Variants in CCSER1 observed in about 807,000 individuals in gnomAD.
CCSER1 encodes serine-rich coiled-coil domain-containing protein 1.
CCSER1 carries 41 observed loss-of-function variants against 82.0 expected under a neutral mutation model. The ratio of observed to expected loss-of-function variants is 0.50; its 90% CI spans 0.39 to 0.65. The LOEUF (loss-of-function observed/expected upper bound fraction) is 0.65, where lower values mean the gene tolerates loss of function less well. Ranked by LOEUF, CCSER1 falls within the 30% of genes least tolerant of loss-of-function variation. The pLI is 0.00. For synonymous variants in CCSER1, 414 were observed against 383.9 expected (o/e 1.08, Z -0.92); for missense variants, 1,119 against 1,064.2 (o/e 1.05, Z -0.72).
At chr4:91,418,785 T>C (rs890568026) in intron 10 of CCSER1, among the ~76,000 whole-genome samples, 1 of 151,840 alleles carries the variant, frequency 6.6e-6, no homozygotes, top group Non-Finnish European at 1.5e-5. Context: ...GAGAAGGACA[T>C]TATAAGAAAA....
intron 4 of CCSER1, among the ~76,000 whole-genome samples, chr4:90,460,709 T>C (rs1019614209): frequency 6.6e-6 from 1 of 152,198 alleles, no homozygotes; most frequent in Non-Finnish European, 1.5e-5. Context: ...ATTTAAATTG[T>C]AAACTAAATT....
intron 10 of CCSER1, among the ~76,000 whole-genome samples, chr4:91,355,888 C>T (rs1748795713): frequency 6.6e-6 from 1 of 152,166 alleles, no homozygotes; most frequent in African/African-American, 2.4e-5. Context: ...CACTGGGCTC[C>T]CTGATACCAG....
chr4:90,907,732 GT>G (rs892406600), intron 8 of CCSER1, among the ~76,000 whole-genome samples: 4 of 150,200 alleles, frequency 2.7e-5, no homozygotes, highest in South Asian at 2.1e-4. Context: ...TCTTTGTACT[GT>G]TTTTTTTTCT....
intron 3 of CCSER1, among the ~76,000 whole-genome samples, chr4:90,351,280 A>T (rs1743371811): frequency 6.6e-6 from 1 of 152,322 alleles, no homozygotes; most frequent in South Asian, 2.1e-4. Flanking sequence ...GCGGGCAAAG[A>T]TACCTTGTCC....
At position 91,358,393 on chromosome 4, in the gene CCSER1, TG is replaced by T. The variant is rs1479745981; in HGVS notation, c.2218-240178del. Among the ~76,000 whole-genome samples the T allele has an allele frequency of 1.0e-2, 792 of 79,336 alleles. 48 individuals carry two copies. The highest frequency in any genetic ancestry group is 0.036 in the African/African-American group (733 of 20,496). The allele number at this position is 79,336 out of a possible 152,430, so 52.0% of individuals were successfully genotyped here. The stretch of plus-strand genomic sequence containing the variant: ...GGCTTACTTTGTGCCTGACCCACGT[TG>T]TTTTTTTTTTTTTTTTCCCGAGACA... On this transcript the variant is annotated intron_variant, in intron 10 of 10. Coordinates refer to ENST00000509176, the MANE Select transcript of CCSER1 (RefSeq NM_001145065.2).
chr4:91,137,377 T>C (rs1581625473), intron 10 of CCSER1, among the ~76,000 whole-genome samples: 1 of 68,106 alleles, frequency 1.5e-5, no homozygotes, highest in African/African-American at 4.5e-5. Flanking sequence ...TTCCATGGTG[T>C]ATATGTGCCA....
chr4:90,849,562 G>T (rs1331536482), intron 8 of CCSER1, among the ~76,000 whole-genome samples: 3 of 152,038 alleles, frequency 2.0e-5, no homozygotes, highest in African/African-American at 7.2e-5. Context: ...GGCTGAGGTG[G>T]GTGGATCATG....
chr4:91,540,573 T>A (rs1761535716), intron 10 of CCSER1, among the ~76,000 whole-genome samples: 1 of 152,164 alleles, frequency 6.6e-6, no homozygotes, highest in Non-Finnish European at 1.5e-5. Flanking sequence ...GACTAGTTTA[T>A]CAATTATTTC....
intron 5 of CCSER1, among the ~76,000 whole-genome samples, chr4:90,617,158 C>G (rs1579502095): frequency 1.3e-5 from 2 of 152,194 alleles, no homozygotes; most frequent in South Asian, 4.2e-4. Flanking sequence ...TGAAACAATA[C>G]ATATAAAACA....
chr4:90,439,478 A>G (rs1759542576), intron 4 of CCSER1, among the ~76,000 whole-genome samples: 1 of 152,194 alleles, frequency 6.6e-6, no homozygotes, highest in Non-Finnish European at 1.5e-5. Flanking sequence ...AAAAGACTAT[A>G]CTTCTAATAT....
intron 9 of CCSER1, among the ~76,000 whole-genome samples, chr4:91,063,288 A>T (rs1232729167): frequency 6.6e-6 from 1 of 152,144 alleles, no homozygotes; most frequent in African/African-American, 2.4e-5. Context: ...ATGGGATAAT[A>T]ATAATATCTA....
At chr4:90,476,529 T>C (rs1765133239) in intron 5 of CCSER1, among the ~76,000 whole-genome samples, 1 of 152,174 alleles carries the variant, frequency 6.6e-6, no homozygotes, top group South Asian at 2.1e-4. Flanking sequence ...AAAGGACTGA[T>C]TGCCATCAAT....
intron 5 of CCSER1, among the ~76,000 whole-genome samples, chr4:90,494,162 CAAAG>C (rs1175400814): frequency 6.6e-6 from 1 of 152,130 alleles, no homozygotes; most frequent in Non-Finnish European, 1.5e-5. Context: ...TCAAAAGAGA[CAAAG>C]AAGGCCATTA....
At chr4:90,416,943 CA>C (rs2153558747) in intron 4 of CCSER1, among the ~76,000 whole-genome samples, 1 of 152,210 alleles carries the variant, frequency 6.6e-6, no homozygotes, top group East Asian at 1.9e-4. Context: ...AAACTTAACA[CA>C]GGAACAGAAA....
At chr4:91,131,788 T>G (rs1384071790) in intron 10 of CCSER1, among the ~76,000 whole-genome samples, 1 of 152,044 alleles carries the variant, frequency 6.6e-6, no homozygotes, top group African/African-American at 2.4e-5. Context: ...CTTTCAACTT[T>G]TCTGATCTAT....
At chr4:90,131,581 T>G (rs1044965050) in intron 1 of CCSER1, among the ~76,000 whole-genome samples, 1 of 152,202 alleles carries the variant, frequency 6.6e-6, no homozygotes, top group Non-Finnish European at 1.5e-5. Flanking sequence ...TAAAATGTGT[T>G]GTCTATTAAT....
At chr4:90,834,289 A>T (rs1005279639) in intron 8 of CCSER1, among the ~76,000 whole-genome samples, 1 of 152,182 alleles carries the variant, frequency 6.6e-6, no homozygotes, top group Non-Finnish European at 1.5e-5. Context: ...TGCTAAAAAA[A>T]CTTTTTAAAA....
intron 10 of CCSER1, among the ~76,000 whole-genome samples, chr4:91,352,463 G>T (rs1269380415): frequency 6.6e-6 from 1 of 152,066 alleles, no homozygotes; most frequent in Non-Finnish European, 1.5e-5. Flanking sequence ...AGCCAGGATG[G>T]TCTATCTCCT....
At chr4:90,576,567 C>A (rs563057266) in intron 5 of CCSER1, among the ~76,000 whole-genome samples, 1 of 152,230 alleles carries the variant, frequency 6.6e-6, no homozygotes, top group East Asian at 1.9e-4. Flanking sequence ...GATGCTTTTT[C>A]TTTTCCATAG....
Sources: gnomAD v4.1 joint callset for allele counts (sites outside exome capture counted in the v4.1 genomes callset) on GRCh38, gnomAD v4.1.1 for gene constraint, MANE v1.5 for transcripts, NCBI Gene and HGNC (gene_info 2026-07-23, HGNC 2026-07-21) for gene names.